The following ZC3H12B variants were observed in gnomAD, a reference collection of about 807,000 sequenced individuals.
The protein encoded by ZC3H12B is probable ribonuclease ZC3H12B.
A neutral mutation model predicts 43.9 loss-of-function variants in ZC3H12B; 7 were observed. The ratio of observed to expected loss-of-function variants is 0.16; its 90% CI spans 0.09 to 0.30. The LOEUF (loss-of-function observed/expected upper bound fraction) is 0.30. Among genes scored for constraint, ZC3H12B ranks in the 10% least tolerant of loss-of-function variants. The pLI, the probability that ZC3H12B is intolerant of heterozygous loss-of-function variation, is 1.00. For synonymous variants in ZC3H12B, 222 were observed against 241.7 expected (o/e 0.92, Z 0.76); for missense variants, 475 against 670.2 (o/e 0.71, Z 3.22).
intron 3 of ZC3H12B, among the ~76,000 whole-genome samples, chrX:65,455,386 G>A (rs2067592639): frequency 1.8e-5 from 2 of 112,075 alleles, no homozygotes; most frequent in Non-Finnish European, 3.8e-5. Flanking sequence ...AGTGATTGAA[G>A]ATCAAATGAA....
At chrX:65,311,814 A>G in the ZC3H12B span, among the ~76,000 whole-genome samples, 1 of 111,780 alleles carries the variant, frequency 8.9e-6, no homozygotes, top group African/African-American at 3.3e-5. Context: ...CTATGCAGCC[A>G]TAAAAAAGGA....
chrX:65,165,753 C>A, the ZC3H12B span, among the ~76,000 whole-genome samples: 1 of 112,246 alleles, frequency 8.9e-6, no homozygotes, highest in Non-Finnish European at 1.9e-5. Context: ...CTGCAATAAA[C>A]ATAAATGTGC....
the ZC3H12B span, among the ~76,000 whole-genome samples, chrX:65,269,815 T>TA: frequency 1.5e-4 from 16 of 110,245 alleles, no homozygotes; most frequent in East Asian, 2.8e-3. Context: ...ATAATTTTTT[T>TA]AAAAAAAAGG....
the ZC3H12B span, among the ~76,000 whole-genome samples, chrX:65,281,455 G>A: frequency 9.0e-6 from 1 of 110,942 alleles, no homozygotes; most frequent in Non-Finnish European, 1.9e-5. Flanking sequence ...TGAACTCCTG[G>A]CCTCAAGCAT....
chrX:65,502,427 C>T (rs1320299507), exon 5 of ZC3H12B: 6 of 1,210,934 alleles, frequency 5.0e-6, no homozygotes, highest in South Asian at 3.5e-5. Context: ...GGTGTATGCC[C>T]GGAATCCTAA....
chrX:65,385,492 T>C (rs2066509884), intron 2 of ZC3H12B, among the ~76,000 whole-genome samples: 1 of 112,329 alleles, frequency 8.9e-6, no homozygotes, highest in East Asian at 2.8e-4. Flanking sequence ...TTTTTGCACA[T>C]TGATTTTGTA....
chrX:65,432,767 C>A (rs2067178625), intron 3 of ZC3H12B, among the ~76,000 whole-genome samples: 1 of 112,110 alleles, frequency 8.9e-6, no homozygotes, highest in African/African-American at 3.2e-5. Context: ...CACTGGACCC[C>A]AAGAAATTTG....
At chrX:65,447,359 A>G (rs1208033311) in intron 3 of ZC3H12B, among the ~76,000 whole-genome samples, 2 of 111,571 alleles carry the variant, frequency 1.8e-5, no homozygotes, top group African/African-American at 6.5e-5. Context: ...CATTTTATAA[A>G]TAATGCTGGC....
chrX:65,121,335 A>T, the ZC3H12B span, among the ~76,000 whole-genome samples: 1 of 110,961 alleles, frequency 9.0e-6, no homozygotes, highest in Non-Finnish European at 1.9e-5. Flanking sequence ...AGAGCCTGTT[A>T]TTGGTCTATT....
chrX:65,463,090 G>A (rs898238493), intron 3 of ZC3H12B, among the ~76,000 whole-genome samples: 10 of 111,723 alleles, frequency 9.0e-5, no homozygotes, highest in African/African-American at 2.9e-4. Context: ...CATAAAGATG[G>A]GAACAACAGA....
the ZC3H12B span, among the ~76,000 whole-genome samples, chrX:65,281,469 A>G: frequency 4.1e-4 from 46 of 110,936 alleles, no homozygotes; most frequent in Non-Finnish European, 7.9e-4. Flanking sequence ...CAAGCATTCC[A>G]CCTGCCTCGG....
the ZC3H12B span, among the ~76,000 whole-genome samples, chrX:65,310,750 T>TA: frequency 1.8e-5 from 2 of 111,658 alleles, no homozygotes; most frequent in Admixed American, 1.9e-4. Context: ...CAAACTATAC[T>TA]ACAAGGCTAC....
At chrX:65,238,961 G>T in the ZC3H12B span, among the ~76,000 whole-genome samples, 1 of 111,836 alleles carries the variant, frequency 8.9e-6, no homozygotes, top group African/African-American at 3.2e-5. Flanking sequence ...TTCTTATGAT[G>T]TCAGGGGTTT....
At chrX:65,158,809 G>A in the ZC3H12B span, among the ~76,000 whole-genome samples, 1 of 111,742 alleles carries the variant, frequency 8.9e-6, no homozygotes, top group African/African-American at 3.3e-5. Flanking sequence ...GGCTTTTGTT[G>A]CCATTGCTTT....
intron 4 of ZC3H12B, among the ~76,000 whole-genome samples, chrX:65,500,556 T>C (rs2068351104): frequency 9.0e-6 from 1 of 111,133 alleles, no homozygotes; most frequent in African/African-American, 3.3e-5. Flanking sequence ...GCCTCCCCAG[T>C]AGCTGGGATT....
the ZC3H12B span, among the ~76,000 whole-genome samples, chrX:65,162,833 A>G: frequency 2.7e-5 from 3 of 111,978 alleles, no homozygotes; most frequent in African/African-American, 3.2e-5. Context: ...TTTGGAGGAG[A>G]AGAGACGCTC....
chrX:65,472,730 A>G (rs1256469421), intron 3 of ZC3H12B, among the ~76,000 whole-genome samples: 2 of 100,988 alleles, frequency 2.0e-5, no homozygotes, highest in Non-Finnish European at 2.0e-5. Flanking sequence ...AATTGACTGT[A>G]ATGATGTGGA....
At chrX:65,461,545 C>A (rs1771254039) in intron 3 of ZC3H12B, among the ~76,000 whole-genome samples, 1 of 111,895 alleles carries the variant, frequency 8.9e-6, no homozygotes, top group African/African-American at 3.3e-5. Context: ...AGTTCTTGTC[C>A]TTTGTAGGGA....
chrX:65,086,066 A>G, the ZC3H12B span, among the ~76,000 whole-genome samples: 1 of 106,264 alleles, frequency 9.4e-6, no homozygotes, highest in African/African-American at 3.5e-5. Flanking sequence ...TTTTTTTGGA[A>G]CACGGATCAC....
Sources: allele counts gnomAD v4.1 joint callset (sites outside exome capture counted in the v4.1 genomes callset), GRCh38; gene constraint gnomAD v4.1.1; transcripts MANE v1.5; gene names NCBI Gene and HGNC (gene_info 2026-07-23, HGNC 2026-07-21).